KIF26B: variants seen among roughly 807,000 people sequenced by gnomAD.
KIF26B encodes kinesin family member 26B, also known as kinesin-like protein KIF26B.
In KIF26B, 63 loss-of-function variants were observed where a neutral mutation model predicts 151.2. The observed-to-expected ratio is 0.42, with a 90% CI of 0.34 to 0.51. The LOEUF (loss-of-function observed/expected upper bound fraction) is 0.51. Ranked by LOEUF, KIF26B falls within the 20% of genes least tolerant of loss-of-function variation. The pLI is 0.07. For synonymous variants in KIF26B, 1,357 were observed against 1,262.1 expected, an observed-to-expected ratio of 1.08 and a Z score of -1.59; for missense variants, 2,813 against 2,913.6, an observed-to-expected ratio of 0.97 and a Z score of 0.79.
intron 2 of KIF26B, among the ~76,000 whole-genome samples, chr1:245,223,498 T>G (rs920949253): frequency 1.3e-5 from 2 of 152,190 alleles, no homozygotes; most frequent in South Asian, 4.1e-4. Context: ...TTAACTCGTC[T>G]CCAGTCAAGC....
At chr1:245,210,125 A>G (rs997833668) in intron 2 of KIF26B, among the ~76,000 whole-genome samples, 1 of 152,184 alleles carries the variant, frequency 6.6e-6, no homozygotes, top group African/African-American at 2.4e-5. Flanking sequence ...CCCCTCTGGG[A>G]CCATCAGCTC....
chr1:245,304,760 G>A (rs899069694), intron 2 of KIF26B, among the ~76,000 whole-genome samples: 25 of 151,212 alleles, frequency 1.7e-4, no homozygotes, highest in Non-Finnish European at 3.0e-4. Context: ...TCAGCCTCCC[G>A]GATGTTTGAG....
chr1:245,533,283 A>T (rs1052817780), intron 4 of KIF26B, among the ~76,000 whole-genome samples: 1 of 152,258 alleles, frequency 6.6e-6, no homozygotes, highest in East Asian at 1.9e-4. Context: ...GAGACTGTCC[A>T]TCTGCCACCC....
chr1:245,694,512 A>G (rs2044665475), intron 12 of KIF26B, among the ~76,000 whole-genome samples: 1 of 152,224 alleles, frequency 6.6e-6, no homozygotes, highest in South Asian at 2.1e-4. Context: ...CATGTTTCCC[A>G]ACACTTAACC....
Position 245,685,769 on chromosome 1 carries a change from T to G in KIF26B, c.2786T>G (p.Leu929Arg). 6.2e-7 allele frequency: 1 copy of G among 1,612,160 alleles called. No individual in the cohort carries two copies. The highest frequency in any genetic ancestry group is 1.7e-5 in the Admixed American group (1 of 60,006). The change falls in exon 12 of 15, where the codon CTG (leucine) becomes CGG (arginine). Residue 929 changes from leucine (L) to arginine (R), a missense_variant. Around this residue, in one of 3 missense-constraint regions of KIF26B, gnomAD observed 2,060 missense variants for 2,088.6 expected, o/e 0.99. Coordinates refer to ENST00000407071, the MANE Select transcript of KIF26B (RefSeq NM_018012.4). ...DCLKCNTFAELQERLDCIDGS... is the reference protein window; with the variant it reads ...DCLKCNTFAERQERLDCIDGS... ...CTGAAGTGCAACACGTTTGCCGAGC[T>G]GCAGGAGAGGCTGGACTGCATCGAC...
At chr1:245,630,073 CAAG>C (rs921791124) in intron 9 of KIF26B, among the ~76,000 whole-genome samples, 4 of 152,070 alleles carry the variant, frequency 2.6e-5, no homozygotes. Context: ...ATTAAAAAGT[CAAG>C]AAACAATAGA....
chr1:245,304,727 G>A (rs1039313593), intron 2 of KIF26B, among the ~76,000 whole-genome samples: 50 of 138,974 alleles, frequency 3.6e-4, no homozygotes, highest in African/African-American at 1.2e-3. Flanking sequence ...CCATCCATCC[G>A]TCTACCTACA....
intron 5 of KIF26B, among the ~76,000 whole-genome samples, chr1:245,557,519 CTG>C (rs942105898): frequency 7.9e-5 from 12 of 152,204 alleles, no homozygotes; most frequent in Admixed American, 6.5e-4. Flanking sequence ...GCTCCAATAA[CTG>C]TGCTGGAGAA....
At chr1:245,287,210 TGTG>T (rs1346198987) in intron 2 of KIF26B, among the ~76,000 whole-genome samples, 4 of 152,312 alleles carry the variant, frequency 2.6e-5, no homozygotes, top group Non-Finnish European at 5.9e-5. Context: ...ATTTTTCCAT[TGTG>T]GTGATCAGTA....
intron 2 of KIF26B, among the ~76,000 whole-genome samples, chr1:245,336,220 C>T (rs150362135): frequency 6.6e-6 from 1 of 152,350 alleles, no homozygotes; most frequent in East Asian, 1.9e-4. Context: ...TCTGCATAGC[C>T]GCTGGGCTTT....
At chr1:245,229,525 C>G (rs1375377932) in intron 2 of KIF26B, among the ~76,000 whole-genome samples, 2 of 152,184 alleles carry the variant, frequency 1.3e-5, no homozygotes, top group Non-Finnish European at 2.9e-5. Flanking sequence ...ACAGCAAAAT[C>G]CAGGCTGTCC....
chr1:245,567,554 A>G lies in KIF26B; in HGVS notation c.1350+26604A>G, dbSNP rs371665890. On this transcript the variant is annotated intron_variant, in intron 5 of 14. Coordinates refer to ENST00000407071, the MANE Select transcript of KIF26B (RefSeq NM_018012.4). ...CCATCCCACCCCATCAAATGTTGGC[A>G]TTTTACTCTGGCCTCCAAAGGCATG... 1.4e-4 allele frequency among the ~76,000 whole-genome samples: 22 copies of G among 152,144 alleles called. No homozygotes were observed. In the East Asian group the frequency reaches 3.1e-3, roughly 22 times the overall value.
chr1:245,362,462 A>C (rs984603556), intron 2 of KIF26B, among the ~76,000 whole-genome samples: 12 of 150,984 alleles, frequency 7.9e-5, no homozygotes, highest in Middle Eastern at 3.4e-3. Flanking sequence ...CACTTGAACC[A>C]GGGAGGCGGA....
chr1:245,183,641 C>T (rs1573694025), intron 2 of KIF26B, among the ~76,000 whole-genome samples: 2 of 152,154 alleles, frequency 1.3e-5, no homozygotes, highest in East Asian at 3.8e-4. Context: ...GAATTTGGCA[C>T]ATGAGCAAGC....
intron 3 of KIF26B, among the ~76,000 whole-genome samples, chr1:245,400,395 T>G (rs776239537): frequency 1.3e-5 from 2 of 152,172 alleles, no homozygotes; most frequent in African/African-American, 2.4e-5. Flanking sequence ...GCATATAATT[T>G]TAATATTTTC....
At chr1:245,400,954 G>A (rs1427016548) in intron 3 of KIF26B, among the ~76,000 whole-genome samples, 20 of 152,060 alleles carry the variant, frequency 1.3e-4, no homozygotes, top group Non-Finnish European at 2.9e-5. Flanking sequence ...AGTGAATTAC[G>A]GAAGGGAAAG....
At chr1:245,300,649 CT>C (rs1306434499) in intron 2 of KIF26B, among the ~76,000 whole-genome samples, 5 of 150,840 alleles carry the variant, frequency 3.3e-5, no homozygotes, top group East Asian at 2.0e-4. Flanking sequence ...CTGCCTCAGC[CT>C]CCTGAGTAGC....
chr1:245,376,942 C>T (rs943139876), intron 3 of KIF26B, among the ~76,000 whole-genome samples: 1 of 151,950 alleles, frequency 6.6e-6, no homozygotes, highest in African/African-American at 2.4e-5. Context: ...CCTGCCTCAG[C>T]CTCCCAAAGT....
In KIF26B at chr1:245,170,137, C is replaced by A. The variant is rs1041097205; in HGVS notation, c.465+13454C>A. On this transcript the variant is annotated intron_variant, in intron 2 of 14. Coordinates refer to ENST00000407071, the MANE Select transcript of KIF26B (RefSeq NM_018012.4). The surrounding 1 kb of genome is among the most constrained non-coding windows in gnomAD (Gnocchi z 4.4). The stretch of plus-strand genomic sequence containing the variant: ...AGGATGGGACGGTGGTGACAAATGG[C>A]GGGATGGGAGATGATGCCTGGGTGA... 6.6e-6 allele frequency among the ~76,000 whole-genome samples: 1 copy of A among 152,054 alleles called. No homozygotes were observed. The highest frequency in any genetic ancestry group is 1.5e-5 in the Non-Finnish European group (1 of 68,004).
Sources: gnomAD v4.1 joint callset for allele counts (sites outside exome capture counted in the v4.1 genomes callset) on GRCh38, gnomAD v4.1.1 for gene constraint, gnomAD v4.1.1 regional missense constraint, Gnocchi (gnomAD v3.1) non-coding constraint, MANE v1.5 for transcripts, NCBI Gene and HGNC (gene_info 2026-07-23, HGNC 2026-07-21) for gene names.